The following CCSER1 variants were observed in gnomAD, a reference collection of about 807,000 sequenced individuals.
CCSER1 encodes serine-rich coiled-coil domain-containing protein 1.
Under a neutral mutation model 82.0 loss-of-function variants are expected in CCSER1, and 41 were observed. The observed-to-expected ratio is 0.50, with a 90% CI of 0.39 to 0.65. CCSER1 has a LOEUF of 0.65. Among genes scored for constraint, CCSER1 ranks in the 30% least tolerant of loss-of-function variants. The pLI, the probability that CCSER1 is intolerant of heterozygous loss-of-function variation, is 0.00. For missense variants in CCSER1, 1,119 were observed against 1,064.2 expected (o/e 1.05, Z -0.72); for synonymous variants, 414 against 383.9 (o/e 1.08, Z -0.92).
chr4:91,351,960 G>A (rs60108911), intron 10 of CCSER1, among the ~76,000 whole-genome samples: 35,050 of 146,902 alleles, frequency 0.24, 4,679 homozygotes, highest in Middle Eastern at 0.4. Context: ...ACTTCTGAGC[G>A]CTGAAATGCA....
At chr4:90,269,462 A>C (rs1725855119) in intron 1 of CCSER1, among the ~76,000 whole-genome samples, 1 of 152,076 alleles carries the variant, frequency 6.6e-6, no homozygotes, top group African/African-American at 2.4e-5. Flanking sequence ...ATTAACAAGG[A>C]AACTGAAAAA....
At chr4:91,299,026 G>A (rs531809387) in intron 10 of CCSER1, among the ~76,000 whole-genome samples, 4 of 151,946 alleles carry the variant, frequency 2.6e-5, no homozygotes, top group African/African-American at 9.7e-5. Context: ...AATAAAAAAT[G>A]TTGTGGGTGG....
At chr4:91,103,163 A>T (rs1481738345) in intron 10 of CCSER1, among the ~76,000 whole-genome samples, 3 of 152,094 alleles carry the variant, frequency 2.0e-5, no homozygotes, top group African/African-American at 7.2e-5. Flanking sequence ...ATTTCTTCCC[A>T]TTCCTTAGTC....
At chr4:91,355,784 G>A (rs139104117) in intron 10 of CCSER1, among the ~76,000 whole-genome samples, 170 of 152,222 alleles carry the variant, frequency 1.1e-3, no homozygotes, top group Middle Eastern at 6.8e-3. Context: ...TCCCATCCAC[G>A]TACAGCTCCC....
chr4:91,563,719 G>T (rs935080711), intron 10 of CCSER1, among the ~76,000 whole-genome samples: 1 of 151,596 alleles, frequency 6.6e-6, no homozygotes, highest in Non-Finnish European at 1.5e-5. Flanking sequence ...ATAAGAAAAA[G>T]AAATAAAAGA....
intron 3 of CCSER1, among the ~76,000 whole-genome samples, chr4:90,378,885 C>T (rs1397558933): frequency 6.6e-6 from 1 of 151,994 alleles, no homozygotes; most frequent in African/African-American, 2.4e-5. Flanking sequence ...TACTTTATCC[C>T]CTAATTTAAA....
intron 7 of CCSER1, among the ~76,000 whole-genome samples, chr4:90,784,836 TTAAAG>T (rs1238162518): frequency 1.3e-5 from 2 of 152,186 alleles, no homozygotes; most frequent in African/African-American, 2.4e-5. Context: ...TACTGTATTC[TTAAAG>T]TAAGCTAGAG....
intron 10 of CCSER1, among the ~76,000 whole-genome samples, chr4:91,526,042 G>C (rs1760746749): frequency 6.6e-6 from 1 of 151,932 alleles, no homozygotes; most frequent in Non-Finnish European, 1.5e-5. Context: ...TTTGTTCTTT[G>C]GGAAAAATCC....
At chr4:90,549,927 C>A (rs934522574) in intron 5 of CCSER1, among the ~76,000 whole-genome samples, 5 of 151,790 alleles carry the variant, frequency 3.3e-5, no homozygotes, top group African/African-American at 9.7e-5. Context: ...TTGGTAACTA[C>A]TGGACATGGG....
intron 9 of CCSER1, among the ~76,000 whole-genome samples, chr4:91,010,926 T>C (rs574201822): frequency 7.4e-6 from 1 of 135,124 alleles, no homozygotes. Flanking sequence ...TTATTTTTCC[T>C]TGGGGTCTGT....
At chr4:91,523,077 G>T (rs979815652) in intron 10 of CCSER1, among the ~76,000 whole-genome samples, 1 of 152,120 alleles carries the variant, frequency 6.6e-6, no homozygotes, top group African/African-American at 2.4e-5. Flanking sequence ...AGAGTTTTTA[G>T]CATGAAGGGC....
chr4:90,335,625 C>T (rs540749269), intron 3 of CCSER1, among the ~76,000 whole-genome samples: 30 of 152,160 alleles, frequency 2.0e-4, no homozygotes, highest in Admixed American at 1.6e-3. Context: ...TGCTCATTGT[C>T]AGGGATGGAA....
chr4:90,470,156 G>T (rs957423156), intron 5 of CCSER1, among the ~76,000 whole-genome samples: 2 of 151,590 alleles, frequency 1.3e-5, no homozygotes, highest in Non-Finnish European at 2.9e-5. Flanking sequence ...TTAAAATCTT[G>T]GTATGTTTTC....
chr4:91,287,035 G>C (rs1288867374), intron 10 of CCSER1, among the ~76,000 whole-genome samples: 2 of 151,738 alleles, frequency 1.3e-5, no homozygotes, highest in Non-Finnish European at 2.9e-5. Flanking sequence ...ATACTGCCTT[G>C]CTATTCAGAA....
At chr4:90,511,367 G>A (rs751725690) in intron 5 of CCSER1, among the ~76,000 whole-genome samples, 9 of 152,102 alleles carry the variant, frequency 5.9e-5, no homozygotes, top group African/African-American at 9.7e-5. Context: ...GCGGTGAGCC[G>A]AGATTGCACC....
chr4:90,233,188 G>T (rs1490588474), intron 1 of CCSER1, among the ~76,000 whole-genome samples: 1 of 152,110 alleles, frequency 6.6e-6, no homozygotes, highest in Admixed American at 6.6e-5. Flanking sequence ...GTTTATTGCG[G>T]CATTATTCAC....
chr4:91,017,993 T>C (rs1739584342), intron 9 of CCSER1, among the ~76,000 whole-genome samples: 1 of 152,106 alleles, frequency 6.6e-6, no homozygotes, highest in Non-Finnish European at 1.5e-5. Context: ...TTGATTATTA[T>C]GGTGATTTGA....
chr4:90,314,591 A>G (rs1735838753), intron 3 of CCSER1, among the ~76,000 whole-genome samples: 1 of 151,468 alleles, frequency 6.6e-6, no homozygotes, highest in South Asian at 2.1e-4. Flanking sequence ...CTCATCTCTA[A>G]AAAAAAATTT....
chr4:90,322,344 G>C (rs1339749495), intron 3 of CCSER1, among the ~76,000 whole-genome samples: 5 of 152,118 alleles, frequency 3.3e-5, no homozygotes, highest in Non-Finnish European at 7.4e-5. Context: ...CTGCGTGTCT[G>C]TTTTTATGAT....
Sources: gnomAD v4.1 joint callset for allele counts (sites outside exome capture counted in the v4.1 genomes callset) on GRCh38, gnomAD v4.1.1 for gene constraint, MANE v1.5 for transcripts, NCBI Gene and HGNC (gene_info 2026-07-23, HGNC 2026-07-21) for gene names.